The following TMEM132B variants were observed in gnomAD, a reference collection of about 807,000 sequenced individuals.
TMEM132B encodes transmembrane protein 132B.
In TMEM132B, 18 loss-of-function variants were observed where a neutral mutation model predicts 90.8. The ratio of observed to expected loss-of-function variants is 0.20; its 90% CI spans 0.14 to 0.29. TMEM132B has a LOEUF of 0.29. Ranked by LOEUF, TMEM132B falls within the 10% of genes least tolerant of loss-of-function variation. TMEM132B has a pLI of 1.00. For missense variants in TMEM132B, 1,096 were observed against 1,326.8 expected, an observed-to-expected ratio of 0.83 and a Z score of 2.70; for synonymous variants, 504 against 523.3, an observed-to-expected ratio of 0.96 and a Z score of 0.50.
intron 1 of TMEM132B, among the ~76,000 whole-genome samples, chr12:125,308,633 T>G (rs1247022931): frequency 6.6e-6 from 1 of 152,204 alleles, no homozygotes; most frequent in East Asian, 1.9e-4. Context: ...TTTTTTTAAT[T>G]GTAATTTTTA....
At chr12:125,391,040 A>T (rs2704852) in intron 2 of TMEM132B, among the ~76,000 whole-genome samples, 9,273 of 85,382 alleles carry the variant, frequency 0.11, 824 homozygotes, top group East Asian at 0.16. Flanking sequence ...ACTAAAGAAT[A>T]GTGTGTGTGT....
intron 3 of TMEM132B, among the ~76,000 whole-genome samples, chr12:125,448,830 A>G (rs1363458507): frequency 6.6e-6 from 1 of 152,178 alleles, no homozygotes; most frequent in Non-Finnish European, 1.5e-5. Context: ...TCTTGTCAAC[A>G]TTTGATATTG....
In TMEM132B at chr12:125,648,019, C is replaced by T. The variant is rs566241807; in HGVS notation, c.1644-2664C>T. 5.2e-3 allele frequency among the ~76,000 whole-genome samples: 784 copies of T among 149,614 alleles called. 6 individuals carry two copies. The highest frequency in any genetic ancestry group is 0.018 in the African/African-American group (742 of 40,448). ...CTGCACCCACTAACTCGTCATCTAG[C>T]ATTAGGTATATCTCCCAATGCTACC... is the stretch of plus-strand genomic sequence containing the variant. On this transcript the variant is annotated intron_variant, in intron 6 of 8. Coordinates refer to ENST00000682704, the MANE Select transcript of TMEM132B (RefSeq NM_001366854.1).
At position 125,325,529 on chromosome 12, in the gene TMEM132B, T is replaced by C. The variant is rs866712147; in HGVS notation, c.68-23923T>C. Among the ~76,000 whole-genome samples, 59 of 152,308 alleles carry C rather than the reference T, an allele frequency of 3.9e-4. No homozygotes were observed. The Middle Eastern group carries it at 0.01, about 26-fold the overall frequency. On this transcript the variant is annotated intron_variant, in intron 1 of 8. Transcript: ENST00000682704. Reference sequence around the variant, plus strand: ...TTATTTGAACGCACGGATTGTGGCATTTGAAAGTTATTGATCAGAGATTTG... The same window carrying C: ...TTATTTGAACGCACGGATTGTGGCACTTGAAAGTTATTGATCAGAGATTTG...
intron 2 of TMEM132B, among the ~76,000 whole-genome samples, chr12:125,393,225 A>T (rs1423403399): frequency 6.6e-6 from 1 of 152,210 alleles, no homozygotes; most frequent in African/African-American, 2.4e-5. Flanking sequence ...TTGATTGATT[A>T]ATCTGAGAAG....
At chr12:125,463,987 A>C (rs551679175) in intron 3 of TMEM132B, among the ~76,000 whole-genome samples, 3 of 152,264 alleles carry the variant, frequency 2.0e-5, no homozygotes, top group Middle Eastern at 3.4e-3. Context: ...ATCAGCTCTC[A>C]TGAGAATTCC....
At chr12:125,516,067 A>T (rs751457443) in intron 3 of TMEM132B, among the ~76,000 whole-genome samples, 1 of 151,520 alleles carries the variant, frequency 6.6e-6, no homozygotes, top group African/African-American at 2.4e-5. Flanking sequence ...ACATATACTC[A>T]CACACACTCT....
chr12:125,523,966 G>C (rs1033802959), intron 4 of TMEM132B, among the ~76,000 whole-genome samples: 1 of 152,186 alleles, frequency 6.6e-6, no homozygotes, highest in African/African-American at 2.4e-5. Flanking sequence ...TCATCCCCAG[G>C]GGGGATGTGG....
At chr12:125,208,516 G>A (rs1036128865) in intron 1 of TMEM132B, among the ~76,000 whole-genome samples, 2 of 152,182 alleles carry the variant, frequency 1.3e-5, no homozygotes, top group African/African-American at 4.8e-5. Flanking sequence ...GCCTGCTGTG[G>A]ACACTTCATA....
intron 1 of TMEM132B, among the ~76,000 whole-genome samples, chr12:125,315,775 A>G (rs1192026532): frequency 6.6e-6 from 1 of 152,162 alleles, no homozygotes; most frequent in Non-Finnish European, 1.5e-5. Context: ...AGGAGACCCC[A>G]TTCCCCATCT....
Position 125,460,426 on chromosome 12 carries a change from A to T in TMEM132B, c.1106+44749A>T, listed in dbSNP as rs11058185. Among the ~76,000 whole-genome samples, 2,803 of 152,216 alleles carry T rather than the reference A, an allele frequency of 0.018. 88 individuals are homozygous for T. The highest frequency in any genetic ancestry group is 0.065 in the African/African-American group (2,686 of 41,518). ...ACAATTGCTTGAACCCAGGAGGTGG[A>T]GGTTGCAGTGAGCCGAGATCATGCC... On this transcript the variant is annotated intron_variant, in intron 3 of 8. Transcript: ENST00000682704. The surrounding 1 kb of genome is among the most constrained non-coding windows in gnomAD (Gnocchi z 4.4).
intron 5 of TMEM132B, among the ~76,000 whole-genome samples, chr12:125,617,486 C>T (rs548438197): frequency 1.3e-5 from 2 of 152,186 alleles, no homozygotes; most frequent in South Asian, 4.2e-4. Flanking sequence ...GCTGGGATTA[C>T]AGGCATGCGC....
intron 5 of TMEM132B, among the ~76,000 whole-genome samples, chr12:125,616,360 G>T (rs1885986804): frequency 6.6e-6 from 1 of 152,098 alleles, no homozygotes; most frequent in Non-Finnish European, 1.5e-5. Flanking sequence ...CTTGGACTAT[G>T]GCAAAAGAGG....
rs1225125641 is a variant in TMEM132B, at chr12:125,569,003, GA to G, written c.1294-14847del. Reference sequence around the variant, plus strand: ...AAGAGCATGTGTTTTGGGGTTGGGCGAGTCCCAGCTCAGCAGCTAACTTGGT... The same window carrying G: ...AAGAGCATGTGTTTTGGGGTTGGGCGGTCCCAGCTCAGCAGCTAACTTGGT... On this transcript the variant is annotated intron_variant, in intron 4 of 8. Coordinates refer to ENST00000682704, the MANE Select transcript of TMEM132B (RefSeq NM_001366854.1). 7.9e-5 allele frequency among the ~76,000 whole-genome samples: 12 copies of G among 152,264 alleles called. No homozygotes were observed. In the East Asian group the frequency reaches 2.1e-3, roughly 27 times the overall value.
chr12:125,415,710 G>T lies in TMEM132B; in HGVS notation c.1106+33G>T. The T allele has an allele frequency of 6.2e-7, 1 of 1,610,650 alleles. No individual in the cohort carries two copies. The highest frequency in any genetic ancestry group is 1.1e-5 in the South Asian group (1 of 90,534). On this transcript the variant is annotated intron_variant, in intron 3 of 8. Transcript: ENST00000682704. This position sits in a 1 kb window ranked among gnomAD's most constrained non-coding sequence, Gnocchi z 5.3. ...TGGAGATCCCCAAGGCACCTCCGCA[G>T]TGGGGAGGAGGGGAGTGGCTGCCAG...
chr12:125,629,609 T>G (rs781668048), intron 5 of TMEM132B, among the ~76,000 whole-genome samples: 1 of 152,114 alleles, frequency 6.6e-6, no homozygotes, highest in Non-Finnish European at 1.5e-5. Context: ...CTTCTTCCTT[T>G]CCAATTTGGA....
intron 1 of TMEM132B, among the ~76,000 whole-genome samples, chr12:125,227,831 T>G (rs917913458): frequency 6.6e-6 from 1 of 152,094 alleles, no homozygotes; most frequent in Non-Finnish European, 1.5e-5. Flanking sequence ...ATGAATGACC[T>G]CCAGGAGACC....
chr12:125,270,340 C>T (rs1257220536), intron 1 of TMEM132B, among the ~76,000 whole-genome samples: 2 of 152,156 alleles, frequency 1.3e-5, no homozygotes, highest in African/African-American at 4.8e-5. Context: ...GCATATGATC[C>T]TTTGCTCCCT....
chr12:125,642,383 C>T (rs192371808), intron 5 of TMEM132B, among the ~76,000 whole-genome samples: 3 of 152,274 alleles, frequency 2.0e-5, no homozygotes, highest in East Asian at 3.9e-4. Context: ...TTGTTCTTCT[C>T]TCTCTTTTTA....
Sources: gnomAD v4.1 joint callset for allele counts (sites outside exome capture counted in the v4.1 genomes callset) on GRCh38, gnomAD v4.1.1 for gene constraint, Gnocchi (gnomAD v3.1) non-coding constraint, MANE v1.5 for transcripts, NCBI Gene and HGNC (gene_info 2026-07-23, HGNC 2026-07-21) for gene names.